Variants in PTPRD observed in about 807,000 individuals in gnomAD.
PTPRD encodes receptor-type tyrosine-protein phosphatase delta.
Under a neutral mutation model 214.5 loss-of-function variants are expected in PTPRD, and 34 were observed. The observed-to-expected ratio is 0.16, with a 90% CI of 0.12 to 0.21. The LOEUF is 0.21. Among genes scored for constraint, PTPRD ranks in the 10% least tolerant of loss-of-function variants. The pLI is 1.00. For missense variants in PTPRD, 2,545 were observed against 2,398.7 expected, an observed-to-expected ratio of 1.06 and a Z score of -1.27; for synonymous variants, 1,128 against 845.7, an observed-to-expected ratio of 1.33 and a Z score of -5.79.
rs10977952 is a variant in PTPRD, at chr9:9,758,927, G to A, written c.-326+7883C>T. Among the ~76,000 whole-genome samples the A allele has an allele frequency of 0.037, 5,555 of 152,054 alleles. 536 individuals are homozygous for A. In the East Asian group the frequency reaches 0.38, roughly 10 times the overall value. On this transcript the variant is annotated intron_variant, in intron 6 of 45. Transcript: ENST00000381196. ...TTTAATAACAAAAAGTGACTGAAAA[G>A]CTATAGAATTGTCAAATGTGATTAA...
chr9:8,369,510 T>C (rs1158401126), intron 39 of PTPRD, among the ~76,000 whole-genome samples: 1 of 151,340 alleles, frequency 6.6e-6, no homozygotes, highest in Non-Finnish European at 1.5e-5. Context: ...TAGGACCTTA[T>C]TGCTCTCTAT....
chr9:10,018,118 C>A (rs2096761503), intron 4 of PTPRD, among the ~76,000 whole-genome samples: 1 of 150,912 alleles, frequency 6.6e-6, no homozygotes, highest in Non-Finnish European at 1.5e-5. Context: ...CCCTCTCATA[C>A]ACAAATACAC....
intron 11 of PTPRD, among the ~76,000 whole-genome samples, chr9:8,886,905 C>G (rs1170458206): frequency 6.6e-6 from 1 of 152,116 alleles, no homozygotes; most frequent in East Asian, 1.9e-4. Flanking sequence ...CTATTTTGTT[C>G]GGTTCATGGT....
chr9:8,542,688 C>T (rs1410528040), intron 14 of PTPRD, among the ~76,000 whole-genome samples: 1 of 152,252 alleles, frequency 6.6e-6, no homozygotes, highest in African/African-American at 2.4e-5. Context: ...CAGTTGAACA[C>T]TGATCCAGCT....
intron 14 of PTPRD, among the ~76,000 whole-genome samples, chr9:8,538,402 G>C (rs2077465330): frequency 1.3e-5 from 2 of 151,872 alleles, no homozygotes; most frequent in Middle Eastern, 3.4e-3. Context: ...TTATTTGTTA[G>C]CTTTGTAAAA....
chr9:8,766,150 A>T (rs1427910829), intron 11 of PTPRD, among the ~76,000 whole-genome samples: 2 of 151,364 alleles, frequency 1.3e-5, no homozygotes, highest in Admixed American at 6.6e-5. Flanking sequence ...CTCAGGTAAC[A>T]TCATTTGGTT....
At chr9:10,506,089 A>G (rs1196027613) in intron 2 of PTPRD, among the ~76,000 whole-genome samples, 1 of 152,150 alleles carries the variant, frequency 6.6e-6, no homozygotes, top group Non-Finnish European at 1.5e-5. Context: ...TATTGATTGC[A>G]AGTGGCAATG....
intron 11 of PTPRD, among the ~76,000 whole-genome samples, chr9:8,823,906 T>C (rs2097126021): frequency 6.6e-6 from 1 of 152,146 alleles, no homozygotes; most frequent in African/African-American, 2.4e-5. Flanking sequence ...TGGTTGCCCA[T>C]TTTTATGGTT....
At position 8,706,313 on chromosome 9, in the gene PTPRD, G is replaced by A. The variant is rs368515280; in HGVS notation, c.64+27467C>T. On this transcript the variant is annotated intron_variant, in intron 12 of 45. Coordinates refer to ENST00000381196, the MANE Select transcript of PTPRD (RefSeq NM_002839.4). ...TCCCAAGGTAAAACAACTTCTTACC[G>A]CTTTACCTTTCCTTTATTTAGTCTG... Among the ~76,000 whole-genome samples, 97 of 152,176 alleles carry A rather than the reference G, an allele frequency of 6.4e-4. 1 individual carries two copies. Among genetic ancestry groups the A allele is most frequent in the South Asian group, 1.0e-3 (5 of 4,824 alleles).
intron 5 of PTPRD, among the ~76,000 whole-genome samples, chr9:9,881,873 C>A (rs1449471937): frequency 6.6e-6 from 1 of 152,092 alleles, no homozygotes; most frequent in African/African-American, 2.4e-5. Flanking sequence ...ACATTTACCA[C>A]AAGAACATGC....
At chr9:8,505,603 C>T (rs1408840666) in intron 22 of PTPRD, among the ~76,000 whole-genome samples, 1 of 114,276 alleles carries the variant, frequency 8.8e-6, no homozygotes, top group Non-Finnish European at 1.6e-5. Flanking sequence ...GTCTAGGCGA[C>T]AGAGTGAGGA....
At chr9:8,971,277 T>C (rs890455336) in intron 11 of PTPRD, among the ~76,000 whole-genome samples, 6 of 151,768 alleles carry the variant, frequency 4.0e-5, no homozygotes, top group Non-Finnish European at 7.4e-5. Context: ...GCCAAAGACA[T>C]ACTTTAGCTG....
At chr9:9,972,860 G>A (rs1248105524) in intron 4 of PTPRD, among the ~76,000 whole-genome samples, 1 of 152,058 alleles carries the variant, frequency 6.6e-6, no homozygotes, top group Non-Finnish European at 1.5e-5. Context: ...GGAGCCTTCT[G>A]ATTACATTTT....
chr9:8,821,524 A>G (rs1566355937), intron 11 of PTPRD, among the ~76,000 whole-genome samples: 1 of 152,232 alleles, frequency 6.6e-6, no homozygotes, highest in Non-Finnish European at 1.5e-5. Flanking sequence ...AGAAACATTT[A>G]GAAATCCCCC....
intron 11 of PTPRD, among the ~76,000 whole-genome samples, chr9:8,973,750 C>T (rs532995259): frequency 6.6e-6 from 1 of 152,074 alleles, no homozygotes; most frequent in South Asian, 2.1e-4. Context: ...TTTTAATAAT[C>T]ACCATTCTGA....
intron 35 of PTPRD, among the ~76,000 whole-genome samples, chr9:8,413,337 T>C (rs932871896): frequency 2.6e-5 from 4 of 152,186 alleles, no homozygotes; most frequent in Admixed American, 6.6e-5. Flanking sequence ...CTTTTGTTAA[T>C]GTTCAGTCAA....
chr9:8,702,798 G>A (rs1350339838), intron 12 of PTPRD, among the ~76,000 whole-genome samples: 5 of 152,062 alleles, frequency 3.3e-5, no homozygotes, highest in Non-Finnish European at 5.9e-5. Flanking sequence ...TAGTAAAGAC[G>A]GGGTTTCACC....
At chr9:8,753,620 A>T (rs771235764) in intron 11 of PTPRD, among the ~76,000 whole-genome samples, 8 of 151,966 alleles carry the variant, frequency 5.3e-5, no homozygotes, top group Non-Finnish European at 8.8e-5. Flanking sequence ...TGAAATAAAT[A>T]AATGAATTTT....
intron 11 of PTPRD, among the ~76,000 whole-genome samples, chr9:8,940,596 C>T (rs2099027556): frequency 6.6e-6 from 1 of 151,556 alleles, no homozygotes; most frequent in African/African-American, 2.4e-5. Context: ...ACCCAGCCTG[C>T]ACATCTCTTA....
Sources: gnomAD v4.1 joint callset for allele counts (sites outside exome capture counted in the v4.1 genomes callset) on GRCh38, gnomAD v4.1.1 for gene constraint, MANE v1.5 for transcripts, NCBI Gene and HGNC (gene_info 2026-07-23, HGNC 2026-07-21) for gene names.